CRIM1: variants seen among roughly 807,000 people sequenced by gnomAD.
CRIM1 encodes the protein cysteine rich transmembrane BMP regulator 1, also known as cysteine-rich motor neuron 1 protein.
In CRIM1, 32 loss-of-function variants were observed where a neutral mutation model predicts 116.4. The observed-to-expected ratio is 0.27, with a 90% CI of 0.21 to 0.37. The LOEUF is 0.37. Ranked by LOEUF, CRIM1 falls within the 10% of genes least tolerant of loss-of-function variation. The pLI, the probability that CRIM1 is intolerant of heterozygous loss-of-function variation, is 1.00. For synonymous variants in CRIM1, 590 were observed against 509.2 expected (o/e 1.16, Z -2.13); for missense variants, 1,331 against 1,354.8 (o/e 0.98, Z 0.28).
intron 7 of CRIM1, among the ~76,000 whole-genome samples, chr2:36,483,297 C>T (rs1456736949): frequency 6.6e-6 from 1 of 152,116 alleles, no homozygotes; most frequent in East Asian, 1.9e-4. Context: ...TCCTTAAAAA[C>T]TAAAAACAAA....
chr2:36,474,656 A>T (rs1678813099), intron 5 of CRIM1, among the ~76,000 whole-genome samples: 1 of 151,910 alleles, frequency 6.6e-6, no homozygotes, highest in Non-Finnish European at 1.5e-5. Context: ...AGAGGAGTTC[A>T]AGACCAGCCT....
chr2:36,495,413 A>C (rs1353647485), intron 7 of CRIM1, among the ~76,000 whole-genome samples: 1 of 152,052 alleles, frequency 6.6e-6, no homozygotes, highest in African/African-American at 2.4e-5. Flanking sequence ...CTTTTAGACA[A>C]GCAGAATGTA....
At chr2:36,485,627 A>G (rs953992892) in intron 7 of CRIM1, among the ~76,000 whole-genome samples, 8 of 152,172 alleles carry the variant, frequency 5.3e-5, no homozygotes, top group African/African-American at 1.7e-4. Flanking sequence ...TTCCTCACTG[A>G]ACAGTATCTC....
At chr2:36,476,129 C>T (rs1461989348) in intron 5 of CRIM1, among the ~76,000 whole-genome samples, 1 of 151,908 alleles carries the variant, frequency 6.6e-6, no homozygotes, top group African/African-American at 2.4e-5. Flanking sequence ...ATTTAAAAAT[C>T]ATTGATATCG....
chr2:36,365,375 C>T (rs1199899130), intron 1 of CRIM1, among the ~76,000 whole-genome samples: 2 of 152,170 alleles, frequency 1.3e-5, no homozygotes, highest in African/African-American at 2.4e-5. Context: ...TCACTGGAGA[C>T]GTTGGAGACC....
At chr2:36,406,294 G>A (rs3770916) in intron 2 of CRIM1, among the ~76,000 whole-genome samples, 4,789 of 152,190 alleles carry the variant, frequency 0.031, 199 homozygotes, top group East Asian at 0.089. Context: ...GGTGGGTTTT[G>A]TACATTTTAT....
chr2:36,398,665 G>A (rs1178880611), intron 2 of CRIM1, among the ~76,000 whole-genome samples: 1 of 152,076 alleles, frequency 6.6e-6, no homozygotes, highest in Non-Finnish European at 1.5e-5. Context: ...TCCAAATGTG[G>A]AATTAGTTGA....
intron 13 of CRIM1, among the ~76,000 whole-genome samples, chr2:36,533,383 G>GT (rs1405678258): frequency 7.2e-6 from 1 of 138,670 alleles, no homozygotes; most frequent in Non-Finnish European, 1.5e-5. Context: ...GAGGCCAGGA[G>GT]TTCAAGACCA....
At chr2:36,380,260 C>G (rs530383146) in intron 1 of CRIM1, among the ~76,000 whole-genome samples, 122 of 152,318 alleles carry the variant, frequency 8.0e-4, no homozygotes, top group Non-Finnish European at 1.2e-3. Flanking sequence ...ACAGTTTGAG[C>G]TCAAGCTCCT....
rs1031501222 is a variant in CRIM1, at chr2:36,548,496, G to A, written c.2935-29G>A. ...GATAATGTAAAGCAACTAATTTTTTGTGGTTTTATTCCTCCTCTCATTAAA... is the reference window on the plus strand; with the variant it reads ...GATAATGTAAAGCAACTAATTTTTTATGGTTTTATTCCTCCTCTCATTAAA... On this transcript the variant is annotated intron_variant, in intron 16 of 16. Coordinates refer to ENST00000280527, the MANE Select transcript of CRIM1 (RefSeq NM_016441.3). 4 of 1,507,120 alleles carry A rather than the reference G, an allele frequency of 2.7e-6. No homozygotes were observed. In the South Asian group the frequency reaches 4.0e-5, roughly 15 times the overall value. 93.4% of individuals were successfully genotyped at this position (1,507,120 alleles called of 1,614,324 possible).
chr2:36,474,315 A>G (rs967886570), intron 5 of CRIM1, among the ~76,000 whole-genome samples: 7 of 152,060 alleles, frequency 4.6e-5, no homozygotes, highest in African/African-American at 1.7e-4. Context: ...TTAAGTCCCA[A>G]AATTGATGAA....
chr2:36,393,108 G>A (rs576457180), intron 1 of CRIM1, among the ~76,000 whole-genome samples: 39 of 152,306 alleles, frequency 2.6e-4, no homozygotes, highest in African/African-American at 8.9e-4. Context: ...ATCTGGCAGT[G>A]AAAACCAATT....
intron 2 of CRIM1, among the ~76,000 whole-genome samples, chr2:36,408,004 C>G (rs1456487168): frequency 6.6e-6 from 1 of 152,158 alleles, no homozygotes; most frequent in African/African-American, 2.4e-5. Flanking sequence ...AGTTCAAGCA[C>G]TTTTCTGTCC....
intron 9 of CRIM1, among the ~76,000 whole-genome samples, chr2:36,511,213 T>A (rs914734737): frequency 6.6e-6 from 1 of 152,202 alleles, no homozygotes; most frequent in Non-Finnish European, 1.5e-5. Context: ...AGTGCTGGGA[T>A]TACAGGCATG....
At chr2:36,510,776 G>A (rs1426484100) in intron 9 of CRIM1, among the ~76,000 whole-genome samples, 3 of 152,026 alleles carry the variant, frequency 2.0e-5, no homozygotes, top group Non-Finnish European at 2.9e-5. Flanking sequence ...TTTCTTTCGT[G>A]TCTGTATAAG....
intron 7 of CRIM1, among the ~76,000 whole-genome samples, chr2:36,487,728 G>A (rs1319101058): frequency 6.6e-6 from 1 of 152,074 alleles, no homozygotes; most frequent in African/African-American, 2.4e-5. Flanking sequence ...TTTGGCATAA[G>A]AATATAGCCT....
rs72866875 is a variant in CRIM1, at chr2:36,510,235, A to G, written c.1658+96A>G. 5.1e-3 allele frequency: 6,291 copies of G among 1,221,700 alleles called. 236 individuals carry two copies. In the African/African-American group the frequency reaches 0.08, roughly 16 times the overall value. 75.7% of individuals were successfully genotyped at this position (1,221,700 alleles called of 1,614,324 possible). On this transcript the variant is annotated intron_variant, in intron 9 of 16. Transcript: ENST00000280527. ...TTATATGTTGTTTGTGAATTAATCT[A>G]TGGTATATTGAGCCCAGAATGTCTA...
In CRIM1 at chr2:36,550,365, G is replaced by C. The variant is rs987907212; in HGVS notation, c.*1664G>C. On this transcript the variant is annotated 3_prime_UTR_variant, in exon 17 of 17. Coordinates refer to ENST00000280527, the MANE Select transcript of CRIM1 (RefSeq NM_016441.3). ...TACTATAGTGGTAACTTTTCAAACA[G>C]CCCTTAGCACTTTTATACTAATTAA... 1 of 151,770 alleles carries C rather than the reference G, an allele frequency of 6.6e-6. No homozygotes were observed. The highest frequency in any genetic ancestry group is 1.5e-5 in the Non-Finnish European group (1 of 67,976). 9.4% of individuals were successfully genotyped at this position (151,770 alleles called of 1,614,324 possible). A position where few individuals can be genotyped will look rare whatever the true frequency, so the allele number is the denominator to read the frequency against.
intron 2 of CRIM1, among the ~76,000 whole-genome samples, chr2:36,412,198 A>T (rs968432578): frequency 1.3e-5 from 2 of 151,216 alleles, no homozygotes; most frequent in African/African-American, 2.4e-5. Context: ...TATTTGAAAC[A>T]TTCTCAGTAA....
Sources: allele counts gnomAD v4.1 joint callset (sites outside exome capture counted in the v4.1 genomes callset), GRCh38; gene constraint gnomAD v4.1.1; transcripts MANE v1.5; gene names NCBI Gene and HGNC (gene_info 2026-07-23, HGNC 2026-07-21).